The following PHOX2B variants were observed in gnomAD, a reference collection of about 807,000 sequenced individuals.
The protein encoded by PHOX2B is paired like homeobox 2B, also known as paired mesoderm homeobox protein 2B.
A neutral mutation model predicts 15.5 loss-of-function variants in PHOX2B; 1 was observed. The observed-to-expected ratio is 0.06, with a 90% CI of 0.02 to 0.31. PHOX2B has a LOEUF of 0.31. PHOX2B is among the 10% of genes least tolerant of loss of function. The probability of loss-of-function intolerance (pLI) is 1.00; values close to 1 mark genes in which losing one functional copy is unlikely to be tolerated. For synonymous variants in PHOX2B, 206 were observed against 190.5 expected, an observed-to-expected ratio of 1.08 and a Z score of -0.67; for missense variants, 314 against 436.4, an observed-to-expected ratio of 0.72 and a Z score of 2.50.
chr4:41,746,447 C>T (rs1234512601), intron 2 of PHOX2B, 125 bp from the exon 3 acceptor site: 4 of 876,954 alleles, frequency 4.6e-6, no homozygotes, highest in Non-Finnish European at 7.2e-6. Flanking sequence ...TCCCCATGCG[C>T]TGTGATCACC....
Position 41,745,270 on chromosome 4 carries a change from A to G in PHOX2B, c.*537T>C, listed in dbSNP as rs1733847460. On this transcript the variant is annotated 3_prime_UTR_variant, in exon 3 of 3. Transcript: ENST00000226382. This position sits in a 1 kb window ranked among gnomAD's most constrained non-coding sequence, Gnocchi z 4.0. ...CCTTTAATTTGTCTTTTTTTTCCTTATGTTTTTTAAACCTTTCTGGGTTGT... is the reference window on the plus strand; with the variant it reads ...CCTTTAATTTGTCTTTTTTTTCCTTGTGTTTTTTAAACCTTTCTGGGTTGT... 8.6e-6 allele frequency: 2 copies of G among 232,634 alleles called. No individual in the cohort carries two copies. The highest frequency in any genetic ancestry group is 1.7e-5 in the Non-Finnish European group (2 of 117,902). 14.4% of individuals were successfully genotyped at this position (232,634 alleles called of 1,614,324 possible). A position where few individuals can be genotyped will look rare whatever the true frequency, so the allele number is the denominator to read the frequency against.
At chr4:41,748,178 C>T in intron 1 of PHOX2B, 192 bp downstream of exon 1, 1 of 640,710 alleles carries the variant, frequency 1.6e-6, no homozygotes, top group Non-Finnish European at 2.7e-6. Flanking sequence ...TCGGGTGTGA[C>T]TAGGATAGTG....
chr4:41,747,962 A>C (rs965767886), intron 1 of PHOX2B, among the ~76,000 whole-genome samples: 1 of 152,282 alleles, frequency 6.6e-6, no homozygotes, highest in Non-Finnish European at 1.5e-5. Context: ...AAAGAGCTGC[A>C]AAAAAATAAT....
chr4:41,745,757 C>G lies in PHOX2B; in HGVS notation c.*50G>C, dbSNP rs1207023356. 6.4e-7 allele frequency: 1 copy of G among 1,572,310 alleles called. No individual in the cohort carries two copies. Among genetic ancestry groups the G allele is most frequent in the South Asian group, 1.2e-5 (1 of 86,462 alleles). Reference sequence around the variant, plus strand: ...CCGCTCGCCCACTCGCCCGCCCGGGCCCTGGCTCGCCCGCTGTCGCCGCCG... The same window carrying G: ...CCGCTCGCCCACTCGCCCGCCCGGGGCCTGGCTCGCCCGCTGTCGCCGCCG... On this transcript the variant is annotated 3_prime_UTR_variant, in exon 3 of 3. Coordinates refer to ENST00000226382, the MANE Select transcript of PHOX2B (RefSeq NM_003924.4). This position sits in a 1 kb window ranked among gnomAD's most constrained non-coding sequence, Gnocchi z 4.0.
intron 2 of PHOX2B, among the ~76,000 whole-genome samples, chr4:41,747,003 C>A (rs1167898599): frequency 6.8e-6 from 1 of 147,204 alleles, no homozygotes; most frequent in Non-Finnish European, 1.5e-5. Flanking sequence ...TTTTGGGGGG[C>A]GGGAGGGGAG....
chr4:41,747,422 T>C lies in PHOX2B; in HGVS notation c.356A>G (p.Glu119Gly). 1 of 1,606,034 alleles carries C rather than the reference T, an allele frequency of 6.2e-7. No homozygotes were observed. The highest frequency in any genetic ancestry group is 8.5e-7 in the Non-Finnish European group (1 of 1,177,732). ...AGTGTAGATGTCGGGGTAGTGAGTCTCCGCGAAGACCCTTTCCAGCTCTTT... is the reference window on the plus strand; with the variant it reads ...AGTGTAGATGTCGGGGTAGTGAGTCCCCGCGAAGACCCTTTCCAGCTCTTT... ...QLKELERVFA[E>G]THYPDIYTRE... The change falls in exon 2 of 3, where the codon GAG becomes GGG. Residue 119 changes from glutamate (E) to glycine (G), a missense_variant. By Grantham distance (98) the Glu-to-Gly change is moderately conservative. Transcript: ENST00000226382.
In PHOX2B at chr4:41,747,551, AG is replaced by A. The variant is rs1733950751; in HGVS notation, c.242-16del. Reference sequence around the variant, plus strand: ...TTTGTAAGGAACTAGAGTATGACAGAGGAGACAGAAAGTGAGCAAATCAGCC... The same window carrying A: ...TTTGTAAGGAACTAGAGTATGACAGAGAGACAGAAAGTGAGCAAATCAGCC... On this transcript the variant is annotated splice_polypyrimidine_tract_variant and intron_variant, in intron 1 of 2. Transcript: ENST00000226382. 1 of 1,602,006 alleles carries A rather than the reference AG, an allele frequency of 6.2e-7. No homozygotes were observed. The highest frequency in any genetic ancestry group is 1.3e-5 in the African/African-American group (1 of 74,978).
rs1397909726 is a variant in PHOX2B, at chr4:41,747,527, T to C, written c.251A>G (p.Lys84Arg). Reference sequence around the variant, plus strand: ...GAGGCCGCCGTGGTCCGTGAAGAGTTTGTAAGGAACTAGAGTATGACAGAG... The same window carrying C: ...GAGGCCGCCGTGGTCCGTGAAGAGTCTGTAAGGAACTAGAGTATGACAGAG... ...QSSPYAAVPYKLFTDHGGLNE... is the reference protein window; with the variant it reads ...QSSPYAAVPYRLFTDHGGLNE... Residue 84 changes from lysine (K) to arginine (R), a missense_variant, in exon 2 of 3, where the codon AAA becomes AGA. Physicochemically the swap from Lys to Arg is conservative, Grantham distance 26. Around this residue, in one of 7 missense-constraint regions of PHOX2B, gnomAD observed 102 missense variants for 155.1 expected, o/e 0.66. Transcript: ENST00000226382. 1.9e-6 allele frequency: 3 copies of C among 1,607,082 alleles called. No individual in the cohort carries two copies. Among genetic ancestry groups the C allele is most frequent in the Admixed American group, 1.7e-5 (1 of 59,970 alleles).
chr4:41,746,002 C>CGCT lies in PHOX2B; in HGVS notation c.747_749dup (p.Ala260dup). ...CCGCCGCTGCCGCTGCCGCCGCCGCCGCTGCCGCGGCCGCCGCCGCTGCTG... is the reference window on the plus strand; with the variant it reads ...CCGCCGCTGCCGCTGCCGCCGCCGCCGCTGCTGCCGCGGCCGCCGCCGCTGCTG... On this transcript the variant is annotated inframe_insertion, in exon 3 of 3. Coordinates refer to ENST00000226382, the MANE Select transcript of PHOX2B (RefSeq NM_003924.4). 8.6e-7 allele frequency: 1 copy of CGCT among 1,161,826 alleles called. No individual in the cohort carries two copies. Among genetic ancestry groups the CGCT allele is most frequent in the Non-Finnish European group, 1.1e-6 (1 of 941,958 alleles). 72.0% of individuals were successfully genotyped at this position (1,161,826 alleles called of 1,614,324 possible).
Position 41,748,439 on chromosome 4 carries a change from G to C in PHOX2B, c.172C>G (p.Pro58Ala). The change falls in exon 1 of 3, where the codon CCT becomes GCT. Residue 58 changes from proline (P) to alanine (A), a missense_variant. Physicochemically the swap from Pro to Ala is conservative, Grantham distance 27 (BLOSUM62 -1). Transcript: ENST00000226382. ...CTGCAGGATCCCGGCGTGAGGGAAGGGCAGCCGGACGTGGCCCCAAAAGTG... is the reference window on the plus strand; with the variant it reads ...CTGCAGGATCCCGGCGTGAGGGAAGCGCAGCCGGACGTGGCCCCAAAAGTG... Reference protein sequence around the residue: ...RTTFGATSGCPSLTPGSCSLG... With the variant: ...RTTFGATSGCASLTPGSCSLG... The C allele has an allele frequency of 6.2e-7, 1 of 1,614,092 alleles. No homozygotes were observed.
intron 2 of PHOX2B, among the ~76,000 whole-genome samples, chr4:41,746,790 G>C (rs1275909073): frequency 2.6e-5 from 4 of 152,214 alleles, no homozygotes; most frequent in Non-Finnish European, 5.9e-5. Context: ...GGTGCGCACC[G>C]CTTCTCGGTC....
chr4:41,747,087 A>T (rs1002409006), intron 2 of PHOX2B, among the ~76,000 whole-genome samples: 2 of 152,196 alleles, frequency 1.3e-5, no homozygotes, highest in Admixed American at 1.3e-4. Context: ...CCGAAATTGC[A>T]TCGCTCATCC....
At position 41,745,958 on chromosome 4, in the gene PHOX2B, G is replaced by T; in HGVS notation, c.794C>A (p.Ala265Glu). ...CCAGCCTTGTCCAGGGCCCCCAGCC[G>T]CAGCCAGGCCTCCAGCTGCCGCCGC... ...AAAAAAGGLA[A>E]AGGPGQGWAP... The change falls in exon 3 of 3, where the codon GCG becomes GAG. Residue 265 changes from alanine (A) to glutamate (E), a missense_variant. Transcript: ENST00000226382. This position sits in a 1 kb window ranked among gnomAD's most constrained non-coding sequence, Gnocchi z 4.0. 2.1e-6 allele frequency: 3 copies of T among 1,442,450 alleles called. No homozygotes were observed. In the African/African-American group the frequency reaches 4.3e-5, roughly 21 times the overall value. 89.4% of individuals were successfully genotyped at this position (1,442,450 alleles called of 1,614,324 possible). A position where few individuals can be genotyped will look rare whatever the true frequency, so the allele number is the denominator to read the frequency against.
Position 41,745,873 on chromosome 4 carries a change from G to A in PHOX2B, c.879C>T (p.Ser293=). The change falls in exon 3 of 3, where the codon AGC becomes AGT. Residue 293 remains serine (S), a synonymous_variant. Coordinates refer to ENST00000226382, the MANE Select transcript of PHOX2B (RefSeq NM_003924.4). This position sits in a 1 kb window ranked among gnomAD's most constrained non-coding sequence, Gnocchi z 4.0. ...IPDSLGGPFA[S]VLSSLQRPNG... ...TGGGTCTTTGGAGCGAAGATAGGAC[G>A]CTGGCGAAGGGACCCCCAAGCGAAT... 6.2e-7 allele frequency: 1 copy of A among 1,609,108 alleles called. No individual in the cohort carries two copies. The highest frequency in any genetic ancestry group is 8.5e-7 in the Non-Finnish European group (1 of 1,177,858).
At position 41,745,681 on chromosome 4, in the gene PHOX2B, C is replaced by G. The variant is rs1733859636; in HGVS notation, c.*126G>C. On this transcript the variant is annotated 3_prime_UTR_variant, in exon 3 of 3. Coordinates refer to ENST00000226382, the MANE Select transcript of PHOX2B (RefSeq NM_003924.4). This position sits in a 1 kb window ranked among gnomAD's most constrained non-coding sequence, Gnocchi z 4.0. Reference sequence around the variant, plus strand: ...TTATTCTTAGCGCGATTACTTTAGGCCCTCAATGAAAAAGCCATGGCAGCA... The same window carrying G: ...TTATTCTTAGCGCGATTACTTTAGGGCCTCAATGAAAAAGCCATGGCAGCA... The G allele has an allele frequency of 3.3e-6, 4 of 1,206,250 alleles. No individual in the cohort carries two copies. The African/African-American group carries it at 6.2e-5, about 19-fold the overall frequency. The allele number at this position is 1,206,250 out of a possible 1,614,324, so 74.7% of individuals were successfully genotyped here. A position where few individuals can be genotyped will look rare whatever the true frequency, so the allele number is the denominator to read the frequency against.
In PHOX2B at chr4:41,747,457, A is replaced by T; in HGVS notation, c.321T>A (p.Ser107Arg). ...KQRRIRTTFT[S>R]AQLKELERVF... The stretch of plus-strand genomic sequence containing the variant: ...CCCTTTCCAGCTCTTTGAGCTGGGC[A>T]CTGGTGAAAGTGGTGCGGATGCGCC... The change falls in exon 2 of 3, where the codon AGT becomes AGA. Residue 107 changes from serine (S) to arginine (R), a missense_variant. Physicochemically the swap from Ser to Arg is moderately radical, Grantham distance 110. Around this residue, in one of 7 missense-constraint regions of PHOX2B, gnomAD observed 102 missense variants for 155.1 expected, o/e 0.66. Transcript: ENST00000226382. 6.2e-7 allele frequency: 1 copy of T among 1,610,380 alleles called. No homozygotes were observed. Among genetic ancestry groups the T allele is most frequent in the Non-Finnish European group, 8.5e-7 (1 of 1,179,660 alleles).
At position 41,745,447 on chromosome 4, in the gene PHOX2B, G is replaced by GACAGACACAAACTGACAC. The variant is rs1733852426; in HGVS notation, c.*342_*359dup. 3.7e-6 allele frequency: 1 copy of GACAGACACAAACTGACAC among 268,914 alleles called. No homozygotes were observed. 16.7% of individuals were successfully genotyped at this position (268,914 alleles called of 1,614,324 possible). On this transcript the variant is annotated 3_prime_UTR_variant, in exon 3 of 3. Transcript: ENST00000226382. This position sits in a 1 kb window ranked among gnomAD's most constrained non-coding sequence, Gnocchi z 4.0. Reference sequence around the variant, plus strand: ...TGGGCCACAGACACACATTCCCCGAGACAGACACAAACTGACACGCAGACA... The same window carrying GACAGACACAAACTGACAC: ...TGGGCCACAGACACACATTCCCCGAGACAGACACAAACTGACACACAGACACAAACTGACACGCAGACA...
Position 41,748,426 on chromosome 4 carries a change from G to A in PHOX2B, c.185C>T (p.Pro62Leu). ...GAGGGTGCCCAGGCTGCAGGATCCC[G>A]GCGTGAGGGAAGGGCAGCCGGACGT... is the stretch of plus-strand genomic sequence containing the variant. ...GATSGCPSLT[P>L]GSCSLGTLRD... The change falls in exon 1 of 3, where the codon CCG becomes CTG. Residue 62 changes from proline (P) to leucine (L), a missense_variant. Pro to Leu is a moderately conservative substitution (Grantham distance 98). This residue lies in a region of PHOX2B where 102 missense variants were observed against 155.1 expected (regional missense o/e 0.66). Coordinates refer to ENST00000226382, the MANE Select transcript of PHOX2B (RefSeq NM_003924.4). 2 of 1,614,066 alleles carry A rather than the reference G, an allele frequency of 1.2e-6. No homozygotes were observed. Among genetic ancestry groups the A allele is most frequent in the Non-Finnish European group, 8.5e-7 (1 of 1,179,952 alleles).
In PHOX2B at chr4:41,745,984, TGCCGCTGCCGCCGCCGCCGCTGCCGCG is replaced by T. The variant is rs1577558924; in HGVS notation, c.741_767del (p.Ala252_Ala260del). ...CAGCCAGGCCTCCAGCTGCCGCCGCTGCCGCTGCCGCCGCCGCCGCTGCCGCGGCCGCCGCCGCTGCTGCTGCGCCGC... is the reference window on the plus strand; with the variant it reads ...CAGCCAGGCCTCCAGCTGCCGCCGCTGCCGCCGCCGCTGCTGCTGCGCCGC... On this transcript the variant is annotated inframe_deletion, in exon 3 of 3. Coordinates refer to ENST00000226382, the MANE Select transcript of PHOX2B (RefSeq NM_003924.4). This position sits in a 1 kb window ranked among gnomAD's most constrained non-coding sequence, Gnocchi z 4.0. The T allele has an allele frequency of 6.4e-6, 8 of 1,255,484 alleles. No individual in the cohort carries two copies. Among genetic ancestry groups the T allele is most frequent in the Admixed American group, 4.2e-5 (1 of 23,656 alleles). 77.8% of individuals were successfully genotyped at this position (1,255,484 alleles called of 1,614,324 possible).
Sources: gnomAD v4.1 joint callset for allele counts (sites outside exome capture counted in the v4.1 genomes callset) on GRCh38, gnomAD v4.1.1 for gene constraint, gnomAD v4.1.1 regional missense constraint, Gnocchi (gnomAD v3.1) non-coding constraint, MANE v1.5 for transcripts, NCBI Gene and HGNC (gene_info 2026-07-23, HGNC 2026-07-21) for gene names.